Variants in FBXL17 observed in about 807,000 individuals in gnomAD.
FBXL17 encodes the protein F-box/LRR-repeat protein 17.
A neutral mutation model predicts 66.2 loss-of-function variants in FBXL17; 22 were observed. That is an observed-to-expected ratio of 0.33 (90% CI 0.24 to 0.47). The LOEUF (loss-of-function observed/expected upper bound fraction) is 0.47, where lower values mean the gene tolerates loss of function less well. Ranked by LOEUF, FBXL17 falls within the 20% of genes least tolerant of loss-of-function variation. The pLI, the probability that FBXL17 is intolerant of heterozygous loss-of-function variation, is 1.00. For missense variants in FBXL17, 878 were observed against 948.2 expected (o/e 0.93, Z 0.97); for synonymous variants, 474 against 400.5 (o/e 1.18, Z -2.19).
At chr5:108,347,387 C>A (rs572713926) in intron 4 of FBXL17, among the ~76,000 whole-genome samples, 1 of 152,112 alleles carries the variant, frequency 6.6e-6, no homozygotes, top group African/African-American at 2.4e-5. Context: ...ACTGTATGTA[C>A]GCTATTTTTC....
intron 4 of FBXL17, 22 bp downstream of exon 4, chr5:108,348,377 A>G (rs749712947): frequency 1.6e-5 from 25 of 1,601,920 alleles, no homozygotes; most frequent in Admixed American, 5.0e-5. Flanking sequence ...TGAACAATAC[A>G]AGGATGATAA....
chr5:108,325,902 T>C (rs1032928254), intron 4 of FBXL17, among the ~76,000 whole-genome samples: 3 of 152,172 alleles, frequency 2.0e-5, no homozygotes, highest in Non-Finnish European at 4.4e-5. Flanking sequence ...TTTTCTAGCC[T>C]ACAAAACCAA....
chr5:108,360,369 C>T (rs1748266678), intron 3 of FBXL17, among the ~76,000 whole-genome samples: 1 of 152,036 alleles, frequency 6.6e-6, no homozygotes, highest in Admixed American at 6.6e-5. Flanking sequence ...ATACAGAATT[C>T]TTGCTTGACT....
rs1005419119 is a variant in FBXL17 at position 108,032,455 on chromosome 5, G to T, written c.1746-11454C>A. Among the ~76,000 whole-genome samples, 7 of 151,922 alleles carry T rather than the reference G, an allele frequency of 4.6e-5. 1 individual carries two copies. The highest frequency in any genetic ancestry group is 1.7e-4 in the African/African-American group (7 of 41,454). ...ACCTTCCATGGAAAGAGTGTCTGCAGGTATGATTTTGAGATGGAGAGATTT... is the reference window on the plus strand; with the variant it reads ...ACCTTCCATGGAAAGAGTGTCTGCATGTATGATTTTGAGATGGAGAGATTT... On this transcript the variant is annotated intron_variant, in intron 6 of 8. Coordinates refer to ENST00000542267, the MANE Select transcript of FBXL17 (RefSeq NM_001163315.3).
intron 6 of FBXL17, among the ~76,000 whole-genome samples, chr5:108,124,914 T>C (rs1163381431): frequency 6.6e-6 from 1 of 152,014 alleles, no homozygotes; most frequent in African/African-American, 2.4e-5. Context: ...AACTTCACAA[T>C]TTAACCGCAA....
At chr5:108,104,608 T>C (rs1313091897) in intron 6 of FBXL17, among the ~76,000 whole-genome samples, 1 of 152,214 alleles carries the variant, frequency 6.6e-6, no homozygotes, top group East Asian at 1.9e-4. Context: ...TGTGTCTTAT[T>C]TTAATTGGAC....
intron 6 of FBXL17, among the ~76,000 whole-genome samples, chr5:108,127,316 T>C (rs1336842723): frequency 6.6e-6 from 1 of 152,222 alleles, no homozygotes; most frequent in East Asian, 1.9e-4. Flanking sequence ...CAATGATGAT[T>C]AACATCAAAC....
intron 6 of FBXL17, among the ~76,000 whole-genome samples, chr5:108,160,808 T>A (rs923991309): frequency 2.6e-5 from 4 of 152,316 alleles, no homozygotes; most frequent in African/African-American, 7.2e-5. Context: ...TCCATGCACA[T>A]GCACCTTTTT....
intron 7 of FBXL17, among the ~76,000 whole-genome samples, chr5:107,962,001 A>G (rs1324812068): frequency 6.6e-6 from 1 of 152,206 alleles, no homozygotes; most frequent in Non-Finnish European, 1.5e-5. Flanking sequence ...TGCCTTTGGA[A>G]TAACAAATGT....
chr5:108,153,015 T>C, intron 6 of FBXL17, among the ~76,000 whole-genome samples: 1 of 152,130 alleles, frequency 6.6e-6, no homozygotes, highest in East Asian at 1.9e-4. Flanking sequence ...TCTCATGAGA[T>C]GTGATGGTTT....
Position 108,106,081 on chromosome 5 carries a change from C to A in FBXL17, c.1745+80036G>T, listed in dbSNP as rs114096295. On this transcript the variant is annotated intron_variant, in intron 6 of 8. Transcript: ENST00000542267. ...TTCAAGGTCATTCAAGCAGTAAGTG[C>A]TAAACTGGGACTCACACCAATTCTT... Among the ~76,000 whole-genome samples, 1,011 of 152,222 alleles carry A rather than the reference C, an allele frequency of 6.6e-3. 11 individuals are homozygous for A. Among genetic ancestry groups the A allele is most frequent in the African/African-American group, 0.023 (949 of 41,532 alleles).
At chr5:107,882,363 T>C (rs1440767848) in intron 7 of FBXL17, among the ~76,000 whole-genome samples, 1 of 152,024 alleles carries the variant, frequency 6.6e-6, no homozygotes, top group African/African-American at 2.4e-5. Context: ...GTATTTTTTT[T>C]TTTTACTAGA....
chr5:107,954,871 A>G (rs1751610584), intron 7 of FBXL17, among the ~76,000 whole-genome samples: 2 of 152,212 alleles, frequency 1.3e-5, no homozygotes, highest in African/African-American at 4.8e-5. Context: ...AATGAGGCTT[A>G]AGAACTATAG....
chr5:107,928,659 G>C (rs1325981409), intron 7 of FBXL17, among the ~76,000 whole-genome samples: 2 of 152,060 alleles, frequency 1.3e-5, no homozygotes, highest in Non-Finnish European at 2.9e-5. Flanking sequence ...GGGAAGGAGA[G>C]AGCTTGATGA....
At chr5:108,033,863 T>C (rs1020927243) in intron 6 of FBXL17, among the ~76,000 whole-genome samples, 3 of 152,216 alleles carry the variant, frequency 2.0e-5, no homozygotes, top group East Asian at 1.9e-4. Flanking sequence ...AATTCTACTC[T>C]TATTATTTTT....
intron 4 of FBXL17, among the ~76,000 whole-genome samples, chr5:108,231,488 T>C (rs984211815): frequency 1.3e-5 from 2 of 152,294 alleles, no homozygotes; most frequent in East Asian, 1.9e-4. Context: ...TGTTAGTCCA[T>C]GTATCAGGAG....
At chr5:108,202,317 C>T (rs1753930826) in intron 5 of FBXL17, among the ~76,000 whole-genome samples, 1 of 151,990 alleles carries the variant, frequency 6.6e-6, no homozygotes, top group Non-Finnish European at 1.5e-5. Context: ...GTAGCACAAA[C>T]AAATACACAT....
chr5:108,331,190 C>T (rs1359461156), intron 4 of FBXL17, among the ~76,000 whole-genome samples: 1 of 152,166 alleles, frequency 6.6e-6, no homozygotes, highest in Non-Finnish European at 1.5e-5. Flanking sequence ...TTAGTTCACT[C>T]AATATCAAGA....
chr5:107,923,459 C>T (rs937610557), intron 7 of FBXL17, among the ~76,000 whole-genome samples: 1 of 152,066 alleles, frequency 6.6e-6, no homozygotes, highest in African/African-American at 2.4e-5. Context: ...TTCATGTAGT[C>T]TTAACTCCTA....
Sources: allele counts gnomAD v4.1 joint callset (sites outside exome capture counted in the v4.1 genomes callset), GRCh38; gene constraint gnomAD v4.1.1; transcripts MANE v1.5; gene names NCBI Gene and HGNC (gene_info 2026-07-23, HGNC 2026-07-21).